Variants in OCA2 observed in about 807,000 individuals in gnomAD.
OCA2 encodes P protein.
Under a neutral mutation model 100.2 loss-of-function variants are expected in OCA2, and 77 were observed. The observed-to-expected ratio is 0.77, with a 90% CI of 0.64 to 0.93. The LOEUF (loss-of-function observed/expected upper bound fraction) is 0.93, where lower values mean the gene tolerates loss of function less well. Ranked by LOEUF, OCA2 falls within the 40% of genes least tolerant of loss-of-function variation. The pLI is 0.00. For missense variants in OCA2, 1,062 were observed against 1,089.1 expected (o/e 0.98, Z 0.35); for synonymous variants, 432 against 439.2 (o/e 0.98, Z 0.21).
At chr15:27,730,633 G>A in the OCA2 span, among the ~76,000 whole-genome samples, 5 of 150,806 alleles carry the variant, frequency 3.3e-5, no homozygotes, top group Non-Finnish European at 7.4e-5. Context: ...TAGGGTCTCC[G>A]TCACCATTTG....
chr15:27,764,004 T>C (rs1233707555), intron 23 of OCA2, among the ~76,000 whole-genome samples: 1 of 149,374 alleles, frequency 6.7e-6, no homozygotes, highest in Non-Finnish European at 1.5e-5. Flanking sequence ...GGGGTGGGGG[T>C]TTGGGGAGTG....
At chr15:27,721,477 A>G in the OCA2 span, among the ~76,000 whole-genome samples, 8 of 152,368 alleles carry the variant, frequency 5.3e-5, no homozygotes, top group African/African-American at 1.9e-4. Flanking sequence ...GAGTAACATT[A>G]AAAATAGAAT....
intron 23 of OCA2, among the ~76,000 whole-genome samples, chr15:27,797,154 G>T (rs1446452165): frequency 6.6e-6 from 1 of 152,228 alleles, no homozygotes; most frequent in African/African-American, 2.4e-5. Flanking sequence ...CTGCTGGTGA[G>T]CGGAAAGGCT....
intron 19 of OCA2, among the ~76,000 whole-genome samples, chr15:27,905,163 C>CAAAAAA (rs35906783): frequency 8.7e-6 from 1 of 114,632 alleles, no homozygotes. Context: ...GACTCCACCT[C>CAAAAAA]AAAAAAAAAA....
At chr15:28,016,474 T>A (rs1352671266) in intron 7 of OCA2, among the ~76,000 whole-genome samples, 1 of 152,144 alleles carries the variant, frequency 6.6e-6, no homozygotes, top group Non-Finnish European at 1.5e-5. Flanking sequence ...AAATAGTGAT[T>A]TAATACGAGA....
chr15:27,836,298 G>A (rs771945873), intron 23 of OCA2, among the ~76,000 whole-genome samples: 2 of 152,204 alleles, frequency 1.3e-5, no homozygotes, highest in African/African-American at 2.4e-5. Context: ...CTTCAGACAC[G>A]GAGGATCAGC....
intron 9 of OCA2, among the ~76,000 whole-genome samples, chr15:28,003,540 C>A (rs1004011214): frequency 4.7e-5 from 7 of 150,302 alleles, no homozygotes; most frequent in African/African-American, 1.8e-4. Flanking sequence ...TGTGGAAAAA[C>A]CACAGCCTAG....
chr15:27,803,332 T>C (rs187385538), intron 23 of OCA2, among the ~76,000 whole-genome samples: 1 of 152,322 alleles, frequency 6.6e-6, no homozygotes, highest in East Asian at 1.9e-4. Flanking sequence ...AGCAACCCAG[T>C]ATCCGTTGAC....
chr15:27,830,965 T>G (rs1239123119), intron 23 of OCA2, among the ~76,000 whole-genome samples: 3 of 152,120 alleles, frequency 2.0e-5, no homozygotes. Flanking sequence ...AAATAAAAGC[T>G]GTAGCCAATT....
chr15:27,720,457 A>T, the OCA2 span, among the ~76,000 whole-genome samples: 434 of 149,840 alleles, frequency 2.9e-3, 2 homozygotes, highest in African/African-American at 9.6e-3. Flanking sequence ...TCATCTGTTT[A>T]TATATATATG....
At chr15:27,748,996 A>G in the OCA2 span, among the ~76,000 whole-genome samples, 1 of 152,194 alleles carries the variant, frequency 6.6e-6, no homozygotes, top group African/African-American at 2.4e-5. Context: ...CTGTAATTCA[A>G]CATTTGTATC....
In OCA2 at chr15:28,070,086, C is replaced by T. The variant is rs746784207; in HGVS notation, c.227+11562G>A. On this transcript the variant is annotated intron_variant, in intron 2 of 23. Transcript: ENST00000354638. ...CTGGGATGTGAGGAGCACCTCTGCC[C>T]GGCCGAGACCCCGTCTGGGAGGTGA... Among the ~76,000 whole-genome samples, 740 of 113,436 alleles carry T rather than the reference C, an allele frequency of 6.5e-3. 38 individuals carry two copies. The highest frequency in any genetic ancestry group is 8.9e-3 in the Non-Finnish European group (568 of 63,706). 74.4% of individuals were successfully genotyped at this position (113,436 alleles called of 152,430 possible).
intron 2 of OCA2, among the ~76,000 whole-genome samples, chr15:28,060,877 G>A (rs1367932983): frequency 6.6e-6 from 1 of 152,136 alleles, no homozygotes; most frequent in Non-Finnish European, 1.5e-5. Flanking sequence ...GAGCTGTCTG[G>A]CAGTACCTTG....
At chr15:27,743,780 CA>C in the OCA2 span, among the ~76,000 whole-genome samples, 1 of 152,194 alleles carries the variant, frequency 6.6e-6, no homozygotes, top group Admixed American at 6.5e-5. Context: ...TCAGCTTGTG[CA>C]GTTGGAGAAG....
intron 21 of OCA2, among the ~76,000 whole-genome samples, chr15:27,859,513 C>T (rs2036056364): frequency 6.6e-6 from 1 of 152,138 alleles, no homozygotes; most frequent in African/African-American, 2.4e-5. Context: ...CTAGTAAGGA[C>T]ACTGAATCAG....
intron 17 of OCA2, among the ~76,000 whole-genome samples, chr15:27,953,764 T>C (rs2040117806): frequency 6.6e-6 from 1 of 152,130 alleles, no homozygotes; most frequent in African/African-American, 2.4e-5. Context: ...TTTTTTCTTT[T>C]TCTTATTTCA....
chr15:27,741,131 C>T, the OCA2 span, among the ~76,000 whole-genome samples: 1 of 152,326 alleles, frequency 6.6e-6, no homozygotes, highest in Non-Finnish European at 1.5e-5. Context: ...CTAACCCTCA[C>T]CAAGACAAAA....
chr15:27,985,299 A>G (rs1282172719), intron 12 of OCA2, 111 bp from the exon 13 acceptor site: 6 of 1,299,238 alleles, frequency 4.6e-6, no homozygotes, highest in Non-Finnish European at 5.4e-6. Flanking sequence ...ACATTACCCC[A>G]TGGGTTAAGA....
downstream of OCA2, among the ~76,000 whole-genome samples, chr15:27,752,029 C>T (rs2030081080): frequency 6.6e-6 from 1 of 152,212 alleles, no homozygotes; most frequent in African/African-American, 2.4e-5. Context: ...CTGGAAGGCG[C>T]ACATGCACTG....
Sources: allele counts gnomAD v4.1 joint callset (sites outside exome capture counted in the v4.1 genomes callset), GRCh38; gene constraint gnomAD v4.1.1; transcripts MANE v1.5; gene names NCBI Gene and HGNC (gene_info 2026-07-23, HGNC 2026-07-21).